WDPCP: variants seen among roughly 807,000 people sequenced by gnomAD.
WDPCP encodes WD repeat-containing and planar cell polarity effector protein fritz homolog.
WDPCP carries 71 observed loss-of-function variants against 93.1 expected under a neutral mutation model. The ratio of observed to expected loss-of-function variants is 0.76; its 90% CI spans 0.63 to 0.93. The LOEUF is 0.93. WDPCP is among the 40% of genes least tolerant of loss of function. The probability of loss-of-function intolerance (pLI) is 0.00; values close to 1 mark genes in which losing one functional copy is unlikely to be tolerated. For synonymous variants in WDPCP, 315 were observed against 315.0 expected (o/e 1.00, Z 0.00); for missense variants, 844 against 887.4 (o/e 0.95, Z 0.62).
chr2:63,808,784 C>T (rs916300359), intron 2 of WDPCP, among the ~76,000 whole-genome samples: 2 of 152,172 alleles, frequency 1.3e-5, no homozygotes, highest in African/African-American at 4.8e-5. Context: ...AAGTGAGGAG[C>T]GTCTCTGCCT....
intron 2 of WDPCP, chr2:63,752,161 G>C: frequency 1.6e-6 from 1 of 634,224 alleles, no homozygotes; most frequent in South Asian, 1.6e-5. Flanking sequence ...TTTATCCACG[G>C]AGTCATGGTC....
intron 6 of WDPCP, among the ~76,000 whole-genome samples, chr2:63,443,662 G>A (rs1052671426): frequency 5.9e-5 from 9 of 152,128 alleles, no homozygotes; most frequent in South Asian, 2.1e-4. Context: ...GTTTTAAAGC[G>A]GGGGATCAGG....
At chr2:63,460,488 C>G (rs1698931138) in intron 6 of WDPCP, among the ~76,000 whole-genome samples, 1 of 151,962 alleles carries the variant, frequency 6.6e-6, no homozygotes, top group South Asian at 2.1e-4. Context: ...GAAGTAATAC[C>G]AACATGTAAA....
intron 14 of WDPCP, among the ~76,000 whole-genome samples, chr2:63,256,550 G>A (rs1343576264): frequency 3.3e-5 from 5 of 150,314 alleles, no homozygotes; most frequent in South Asian, 2.2e-4. Flanking sequence ...AGCTACTAAG[G>A]CTGCATATCC....
intron 13 of WDPCP, among the ~76,000 whole-genome samples, chr2:63,292,050 G>A (rs539203103): frequency 1.4e-5 from 2 of 146,916 alleles, no homozygotes; most frequent in East Asian, 4.2e-4. Context: ...GGAGAATGGC[G>A]TGAACCCGGG....
intron 13 of WDPCP, among the ~76,000 whole-genome samples, chr2:63,283,040 T>TGATCCATGGTTGGTGG (rs1683690288): frequency 6.6e-6 from 1 of 152,262 alleles, no homozygotes. Flanking sequence ...TGAATGTTTT[T>TGATCCATGGTTGGTGG]GATCCATGGT....
At chr2:63,401,413 C>A (rs9749863) in intron 10 of WDPCP, among the ~76,000 whole-genome samples, 63,179 of 152,030 alleles carry the variant, frequency 0.42, 13,371 homozygotes, top group Non-Finnish European at 0.43. Flanking sequence ...CATCACCGAT[C>A]ATTAGAGAAA....
At chr2:63,686,988 A>G (rs1313990013) in intron 2 of WDPCP, among the ~76,000 whole-genome samples, 1 of 152,268 alleles carries the variant, frequency 6.6e-6, no homozygotes, top group Non-Finnish European at 1.5e-5. Flanking sequence ...AGGAGAGTCC[A>G]ATCTTTTGGC....
At chr2:63,208,942 C>T (rs534718225) in intron 14 of WDPCP, among the ~76,000 whole-genome samples, 6 of 152,320 alleles carry the variant, frequency 3.9e-5, no homozygotes, top group East Asian at 1.9e-4. Flanking sequence ...CACCCTCCCA[C>T]ACTGCTTCCC....
intron 14 of WDPCP, among the ~76,000 whole-genome samples, chr2:63,220,250 G>A (rs1412442600): frequency 6.6e-6 from 1 of 152,122 alleles, no homozygotes; most frequent in Admixed American, 6.6e-5. Flanking sequence ...AGCTGGCCAT[G>A]GAGTTTTTGA....
chr2:63,772,534 C>T (rs2103949903), intron 2 of WDPCP, among the ~76,000 whole-genome samples: 1 of 152,038 alleles, frequency 6.6e-6, no homozygotes, highest in African/African-American at 2.4e-5. Context: ...TGCAAAACTC[C>T]TAAACAAAAG....
intron 6 of WDPCP, among the ~76,000 whole-genome samples, chr2:63,463,224 A>AT (rs945998107): frequency 4.4e-4 from 67 of 152,028 alleles, no homozygotes; most frequent in Non-Finnish European, 3.5e-4. Flanking sequence ...AGATGATAAG[A>AT]TTTTTTTTAC....
At position 63,746,361 on chromosome 2, in the gene WDPCP, ATTGT is replaced by A. The variant is rs1268623106; in HGVS notation, n.308+67257_308+67260del. On this transcript the variant is annotated intron_variant and non_coding_transcript_variant, in intron 2 of 4. Coordinates refer to the WDPCP transcript ENST00000467687. The stretch of plus-strand genomic sequence containing the variant: ...TGAGATGATTGCATTAACTAAACAA[ATTGT>A]TTGTAGACCATGTGTTTTTGAACAA... Among the ~76,000 whole-genome samples, 11 of 152,112 alleles carry A rather than the reference ATTGT, an allele frequency of 7.2e-5. 1 individual carries two copies. Among genetic ancestry groups the A allele is most frequent in the Admixed American group, 3.9e-4 (6 of 15,266 alleles).
chr2:63,561,370 C>T (rs1216833936), intron 1 of WDPCP, among the ~76,000 whole-genome samples: 9 of 151,794 alleles, frequency 5.9e-5, no homozygotes, highest in East Asian at 3.9e-4. Context: ...CCCAGCTGCT[C>T]GGGAGGCTGA....
At chr2:63,687,455 A>C (rs1305708925) in intron 2 of WDPCP, among the ~76,000 whole-genome samples, 2 of 152,212 alleles carry the variant, frequency 1.3e-5, no homozygotes, top group Admixed American at 1.3e-4. Context: ...TAATAACCAG[A>C]ATATGTAAGG....
chr2:63,456,243 C>G (rs1473672892), intron 6 of WDPCP, among the ~76,000 whole-genome samples: 1 of 152,004 alleles, frequency 6.6e-6, no homozygotes, highest in East Asian at 1.9e-4. Flanking sequence ...ACGGTGAAAC[C>G]CCATCACTAC....
At chr2:63,627,376 A>C (rs1709820894) in intron 3 of WDPCP, among the ~76,000 whole-genome samples, 1 of 152,218 alleles carries the variant, frequency 6.6e-6, no homozygotes, top group South Asian at 2.1e-4. Context: ...ACTGAAAATC[A>C]TATCTGTAAT....
intron 2 of WDPCP, among the ~76,000 whole-genome samples, chr2:63,702,762 G>A (rs1357910401): frequency 6.7e-6 from 1 of 148,910 alleles, no homozygotes; most frequent in Admixed American, 6.7e-5. Flanking sequence ...GGGTACATGT[G>A]CACAACGTGC....
At chr2:63,253,666 G>A (rs375801110) in intron 14 of WDPCP, among the ~76,000 whole-genome samples, 1 of 152,106 alleles carries the variant, frequency 6.6e-6, no homozygotes, top group Admixed American at 6.6e-5. Flanking sequence ...TCAAAGAGAT[G>A]CAGATCAAAA....
Sources: gnomAD v4.1 joint callset for allele counts (sites outside exome capture counted in the v4.1 genomes callset) on GRCh38, gnomAD v4.1.1 for gene constraint, MANE v1.5 for transcripts, NCBI Gene and HGNC (gene_info 2026-07-23, HGNC 2026-07-21) for gene names.